The following RNF166 variants were observed in gnomAD, a reference collection of about 807,000 sequenced individuals.
RNF166 encodes the protein ring finger protein 166, also known as E3 ubiquitin-protein ligase RNF166.
A neutral mutation model predicts 29.4 loss-of-function variants in RNF166; 19 were observed. The observed-to-expected ratio is 0.65, with a 90% confidence interval of 0.45 to 0.95. RNF166 has a LOEUF of 0.95. Among genes scored for constraint, RNF166 ranks in the 40% least tolerant of loss-of-function variants. The pLI is 0.00. For synonymous variants in RNF166, 171 were observed against 134.5 expected (o/e 1.27, Z -1.88); for missense variants, 347 against 322.1 (o/e 1.08, Z -0.59).
chr16:88,702,757 C>T (rs533608386), intron 1 of RNF166: 252 of 985,416 alleles, frequency 2.6e-4, no homozygotes, highest in African/African-American at 2.2e-3. Context: ...GTAAAGAGGT[C>T]GCTCACTTTA....
Position 88,700,913 on chromosome 16 carries a change from G to A in RNF166, c.312+349C>T, listed in dbSNP as rs375629496. On this transcript the variant is annotated intron_variant, in intron 2 of 5. Coordinates refer to ENST00000312838, the MANE Select transcript of RNF166 (RefSeq NM_178841.4). ...TTGTGACCTTGGAGCCCCCAGCGCCGTCCCCGGTATCGGCTGGCAGGGGAA... is the reference window on the plus strand; with the variant it reads ...TTGTGACCTTGGAGCCCCCAGCGCCATCCCCGGTATCGGCTGGCAGGGGAA... 2.4e-4 allele frequency: 283 copies of A among 1,155,574 alleles called. 4 individuals are homozygous for A. In the East Asian group the frequency reaches 0.017, roughly 68 times the overall value. 71.6% of individuals were successfully genotyped at this position (1,155,574 alleles called of 1,614,324 possible).
intron 2 of RNF166, 176 bp from the exon 3 acceptor site, chr16:88,699,908 A>G (rs775185972): frequency 1.9e-6 from 1 of 527,042 alleles, no homozygotes. Flanking sequence ...CTGAGCAGCC[A>G]CTACTCCATG....
At chr16:88,701,547 C>G (rs891841353) in intron 1 of RNF166, 129 bp from the exon 2 acceptor site, 10 of 888,750 alleles carry the variant, frequency 1.1e-5, no homozygotes, top group South Asian at 5.3e-5. Flanking sequence ...ACCGCTGTCG[C>G]CGTCTCTGGA....
intron 4 of RNF166, 106 bp from the exon 5 acceptor site, chr16:88,698,715 G>T (rs970976207): frequency 1.6e-5 from 14 of 879,482 alleles, no homozygotes; most frequent in Admixed American, 5.5e-5. Context: ...GCCTCAGCCT[G>T]GGAAGGCACC....
rs559508301 is a variant in RNF166 at position 88,700,925 on chromosome 16, G to A, written c.312+337C>T. 2.3e-4 allele frequency: 268 copies of A among 1,162,542 alleles called. No individual in the cohort carries two copies. In the African/African-American group the frequency reaches 3.4e-3, roughly 15 times the overall value. The allele number at this position is 1,162,542 out of a possible 1,614,324, so 72.0% of individuals were successfully genotyped here. The stretch of plus-strand genomic sequence containing the variant: ...AGCCCCCAGCGCCGTCCCCGGTATC[G>A]GCTGGCAGGGGAAGGCTGCATTGGG... On this transcript the variant is annotated intron_variant, in intron 2 of 5. Transcript: ENST00000312838.
At chr16:88,698,098 C>A (rs1384406973) in intron 5 of RNF166, 3 of 578,246 alleles carry the variant, frequency 5.2e-6, no homozygotes, top group Non-Finnish European at 9.2e-6. Context: ...TCTGCAGGCC[C>A]GGGGGCCAGG....
At chr16:88,697,981 A>G in intron 5 of RNF166, 1 of 473,430 alleles carries the variant, frequency 2.1e-6, no homozygotes, top group East Asian at 3.8e-5. Context: ...GTCCCGGACG[A>G]CTGGCAGAGG....
chr16:88,699,010 C>G lies in RNF166; in HGVS notation c.501G>C (p.Lys167Asn), dbSNP rs1356746703. Residue 167 changes from lysine (K) to asparagine (N), a missense_variant, in exon 4 of 6, where the codon AAG (lysine) becomes AAC (asparagine). Coordinates refer to ENST00000312838, the MANE Select transcript of RNF166 (RefSeq NM_178841.4). The part of the protein sequence containing the change: ...ARNLDQQELV[K>N]HCVESHRSDP... ...CGCTGCGGTGGCTTTCCACACAGTG[C>G]TTCACCAGCTCCTGCTGGTCCAGGT... The G allele has an allele frequency of 1.2e-6, 2 of 1,608,348 alleles. No homozygotes were observed. Among genetic ancestry groups the G allele is most frequent in the East Asian group, 4.5e-5 (2 of 44,778 alleles).
Position 88,699,615 on chromosome 16 carries a change from C to A in RNF166, c.425+5G>T, listed in dbSNP as rs779574960. Reference sequence around the variant, plus strand: ...TTCCTCTCCCTTGCCCGGCAGCGTGCCTACCTGGGGATAGGCTGTGATGTG... The same window carrying A: ...TTCCTCTCCCTTGCCCGGCAGCGTGACTACCTGGGGATAGGCTGTGATGTG... On this transcript the variant is annotated splice_donor_5th_base_variant and intron_variant, in intron 3 of 5. Coordinates refer to ENST00000312838, the MANE Select transcript of RNF166 (RefSeq NM_178841.4). 1.9e-6 allele frequency: 3 copies of A among 1,608,430 alleles called. No homozygotes were observed. In the South Asian group the frequency reaches 3.3e-5, roughly 18 times the overall value.
At position 88,706,219 on chromosome 16, in the gene RNF166, C is replaced by A; in HGVS notation, c.107G>T (p.Cys36Phe). The A allele has an allele frequency of 1.5e-6, 2 of 1,323,106 alleles. No individual in the cohort carries two copies. The highest frequency in any genetic ancestry group is 3.3e-5 in the Admixed American group (1 of 30,112). 82.0% of individuals were successfully genotyped at this position (1,323,106 alleles called of 1,614,324 possible). ...GLEAQYTCPI[C>F]LEVYHRPVAI... ...CACGGGCCGGTGATAGACCTCCAGGCAGATGGGGCAGGTGTACTGCGCCTC... is the reference window on the plus strand; with the variant it reads ...CACGGGCCGGTGATAGACCTCCAGGAAGATGGGGCAGGTGTACTGCGCCTC... The change falls in exon 1 of 6, where the codon TGC (cysteine) becomes TTC (phenylalanine). Residue 36 changes from cysteine (C) to phenylalanine (F), a missense_variant. Transcript: ENST00000312838.
At chr16:88,705,181 C>T (rs771831188) in intron 1 of RNF166, among the ~76,000 whole-genome samples, 4 of 152,206 alleles carry the variant, frequency 2.6e-5, no homozygotes, top group Non-Finnish European at 5.9e-5. Context: ...GCCCTGCCAC[C>T]TCCGTGGGTG....
chr16:88,703,964 C>A, intron 1 of RNF166: 1 of 985,480 alleles, frequency 1.0e-6, no homozygotes, highest in Non-Finnish European at 1.2e-6. Context: ...GTGTCCTGGC[C>A]CACAGGCTTC....
chr16:88,701,503 A>G (rs1436660092), intron 1 of RNF166, 85 bp from the exon 2 acceptor site: 14 of 1,322,194 alleles, frequency 1.1e-5, no homozygotes, highest in Admixed American at 2.7e-5. Flanking sequence ...CTTAGGACCC[A>G]GCATTTGTGG....
At chr16:88,701,949 G>C (rs1304077014) in intron 1 of RNF166, among the ~76,000 whole-genome samples, 2 of 152,232 alleles carry the variant, frequency 1.3e-5, no homozygotes, top group South Asian at 2.1e-4. Flanking sequence ...CCTGAGGCTG[G>C]GTGGCAGTCA....
At chr16:88,703,377 A>G (rs935605601) in intron 1 of RNF166, 4 of 985,446 alleles carry the variant, frequency 4.1e-6, no homozygotes, top group African/African-American at 1.7e-5. Flanking sequence ...GGGGAAGGAA[A>G]AGGGTCCCAG....
chr16:88,701,939 C>T (rs555060648), intron 1 of RNF166, among the ~76,000 whole-genome samples: 3 of 152,236 alleles, frequency 2.0e-5, no homozygotes, highest in Non-Finnish European at 4.4e-5. Flanking sequence ...GGCAGCACAT[C>T]CTGAGGCTGG....
chr16:88,706,001 C>T (rs1247277711), intron 1 of RNF166, among the ~76,000 whole-genome samples, 170 bp downstream of exon 1: 2 of 151,926 alleles, frequency 1.3e-5, no homozygotes, highest in African/African-American at 4.8e-5. Context: ...GCCCAGAGGG[C>T]AGAGGCGGCG....
chr16:88,700,552 T>G, intron 2 of RNF166: 2 of 964,946 alleles, frequency 2.1e-6, no homozygotes, highest in Non-Finnish European at 2.5e-6. Flanking sequence ...CGTACTAGTG[T>G]GAGCGCTTCA....
chr16:88,698,010 G>T (rs910892287), intron 5 of RNF166: 5 of 495,556 alleles, frequency 1.0e-5, no homozygotes, highest in Non-Finnish European at 1.8e-5. Flanking sequence ...GCCATCGCCA[G>T]GACTGTTAGC....
Sources: gnomAD v4.1 joint callset for allele counts (sites outside exome capture counted in the v4.1 genomes callset) on GRCh38, gnomAD v4.1.1 for gene constraint, MANE v1.5 for transcripts, NCBI Gene and HGNC (gene_info 2026-07-23, HGNC 2026-07-21) for gene names.